Variants in ZNF611 observed in about 807,000 individuals in gnomAD.
ZNF611 encodes zinc finger protein 611.
A neutral mutation model predicts 8.9 loss-of-function variants in ZNF611; 6 were observed. That is an observed-to-expected ratio of 0.68 (90% CI 0.37 to 1.34). The LOEUF is 1.34. Ranked by LOEUF, ZNF611 falls within the 40% of genes most tolerant of loss-of-function variation. The pLI, the probability that ZNF611 is intolerant of heterozygous loss-of-function variation, is 0.02. For synonymous variants in ZNF611, 262 were observed against 279.7 expected (o/e 0.94, Z 0.63); for missense variants, 874 against 841.3 (o/e 1.04, Z -0.48).
At chr19:52,729,490 C>A (rs2062411430) in intron 2 of ZNF611, among the ~76,000 whole-genome samples, 2 of 19,146 alleles carry the variant, frequency 1.0e-4, no homozygotes, top group African/African-American at 3.4e-4. Context: ...GAGACTCCAT[C>A]TCAAAAAAAA....
chr19:52,713,289 C>A (rs1220255514), intron 5 of ZNF611, among the ~76,000 whole-genome samples: 2 of 152,142 alleles, frequency 1.3e-5, no homozygotes, highest in South Asian at 2.1e-4. Flanking sequence ...ACAATGGAAA[C>A]CTCATTCAAC....
intron 3 of ZNF611, among the ~76,000 whole-genome samples, chr19:52,721,475 T>TG (rs1413097289): frequency 6.6e-6 from 1 of 152,210 alleles, no homozygotes; most frequent in African/African-American, 2.4e-5. Context: ...GGTCAGGGGT[T>TG]GGAGACCAGC....
At position 52,728,833 on chromosome 19, in the gene ZNF611, T is replaced by C; in HGVS notation, c.-121-2A>G. On this transcript the variant is annotated splice_acceptor_variant, in intron 2 of 5. Coordinates refer to ENST00000652185, the MANE Select transcript of ZNF611 (RefSeq NM_001161499.2). LOFTEE classifies it low-confidence loss of function (5UTR_SPLICE). Reference sequence around the variant, plus strand: ...TCATCAAGCATTTGGAAGAGATATCTACAAAATATAAACACCAATACGTTT... The same window carrying C: ...TCATCAAGCATTTGGAAGAGATATCCACAAAATATAAACACCAATACGTTT... 5.6e-6 allele frequency: 1 copy of C among 179,920 alleles called. No individual in the cohort carries two copies. Among genetic ancestry groups the C allele is most frequent in the Admixed American group, 5.4e-5 (1 of 18,516 alleles). 11.1% of individuals were successfully genotyped at this position (179,920 alleles called of 1,614,324 possible). A position where few individuals can be genotyped will look rare whatever the true frequency, so the allele number is the denominator to read the frequency against.
At position 52,704,618 on chromosome 19, in the gene ZNF611, C is replaced by T; in HGVS notation, c.*319G>A. On this transcript the variant is annotated 3_prime_UTR_variant, in exon 6 of 6. Transcript: ENST00000652185. ...TTATTACACTTGTAAGATCTCTCTT[C>T]ATTATGGATTCTCCAATGATTTGTA... The T allele has an allele frequency of 2.5e-6, 4 of 1,584,116 alleles. No individual in the cohort carries two copies. In the East Asian group the frequency reaches 8.9e-5, roughly 35 times the overall value.
At chr19:52,724,823 C>A (rs1407644428) in intron 3 of ZNF611, among the ~76,000 whole-genome samples, 1 of 152,152 alleles carries the variant, frequency 6.6e-6, no homozygotes, top group East Asian at 1.9e-4. Flanking sequence ...CTCTGGTGAG[C>A]CTCCCTCTTT....
At chr19:52,730,411 A>C (rs979212019) in intron 1 of ZNF611, among the ~76,000 whole-genome samples, 8 of 150,418 alleles carry the variant, frequency 5.3e-5, no homozygotes, top group African/African-American at 9.8e-5. Flanking sequence ...AAAAAAAAAA[A>C]AAAAAAAAAA....
At chr19:52,732,958 T>TATTAATATTA (rs113965709) in intron 1 of ZNF611, among the ~76,000 whole-genome samples, 1 of 149,182 alleles carries the variant, frequency 6.7e-6, no homozygotes, top group African/African-American at 2.5e-5. Context: ...TGTCTCAAAA[T>TATTAATATTA]ATTAATTAAT....
chr19:52,705,990 T>C lies in ZNF611; in HGVS notation c.1065A>G (p.Gln355=), dbSNP rs757510179. The change falls in exon 6 of 6, where the codon CAA becomes CAG. Residue 355 remains glutamine (Q), a synonymous_variant. Coordinates refer to ENST00000652185, the MANE Select transcript of ZNF611 (RefSeq NM_001161499.2). The part of the protein sequence containing the change: ...CNECDKAFNQ[Q]SQLSHHRIHT... ...GAATTCTATGATGTGAAAGTTGTGA[T>C]TGTTGATTAAAAGCCTTGTCACATT... is the stretch of plus-strand genomic sequence containing the variant. 8.7e-6 allele frequency: 14 copies of C among 1,613,978 alleles called. No homozygotes were observed. The highest frequency in any genetic ancestry group is 4.0e-5 in the African/African-American group (3 of 74,898).
intron 2 of ZNF611, among the ~76,000 whole-genome samples, chr19:52,729,133 CA>C (rs2062409524): frequency 6.6e-6 from 1 of 151,616 alleles, no homozygotes; most frequent in Non-Finnish European, 1.5e-5. Flanking sequence ...TCACAGTTTG[CA>C]AAAAACATAT....
In ZNF611 at chr19:52,715,905, GA is replaced by G. The variant is rs1456318392; in HGVS notation, c.-12del. The G allele has an allele frequency of 6.2e-7, 1 of 1,612,868 alleles. No homozygotes were observed. The highest frequency in any genetic ancestry group is 2.2e-5 in the East Asian group (1 of 44,884). ...TTCCTCACGTAACATGAGTCTTTAGGAATCAATCCTGTATGTGAAAAAAAAT... is the reference window on the plus strand; with the variant it reads ...TTCCTCACGTAACATGAGTCTTTAGGATCAATCCTGTATGTGAAAAAAAAT... On this transcript the variant is annotated 5_prime_UTR_variant, in exon 4 of 6. Transcript: ENST00000652185.
rs397859789 is a variant in ZNF611 at position 52,729,492 on chromosome 19, C to CAAAAAAAAAAAAAAAAAAAAAA, written c.-122+392_-122+413dup. On this transcript the variant is annotated intron_variant, in intron 2 of 5. Transcript: ENST00000652185. Reference sequence around the variant, plus strand: ...TGGGTGACAGAGCGAGACTCCATCTCAAAAAAAAAAAAAAAAAAAAAAAAA... The same window carrying CAAAAAAAAAAAAAAAAAAAAAA: ...TGGGTGACAGAGCGAGACTCCATCTCAAAAAAAAAAAAAAAAAAAAAAAAAAAAAAAAAAAAAAAAAAAAAAA... 5.9e-4 allele frequency among the ~76,000 whole-genome samples: 25 copies of CAAAAAAAAAAAAAAAAAAAAAA among 42,354 alleles called. 2 individuals carry two copies. Among genetic ancestry groups the CAAAAAAAAAAAAAAAAAAAAAA allele is most frequent in the African/African-American group, 1.1e-3 (9 of 8,160 alleles). The allele number at this position is 42,354 out of a possible 152,430, so 27.8% of individuals were successfully genotyped here. A position where few individuals can be genotyped will look rare whatever the true frequency, so the allele number is the denominator to read the frequency against.
chr19:52,714,729 G>T lies in ZNF611; in HGVS notation c.64-588C>A. On this transcript the variant is annotated intron_variant, in intron 4 of 5. Coordinates refer to ENST00000652185, the MANE Select transcript of ZNF611 (RefSeq NM_001161499.2). ...CAAAACAAAAAAACAATGCCGGGCA[G>T]TGACTGTCACCTGTAATCCCAGCAC... Among the ~76,000 whole-genome samples, 2 of 119,960 alleles carry T rather than the reference G, an allele frequency of 1.7e-5. 1 individual carries two copies. The highest frequency in any genetic ancestry group is 7.3e-5 in the African/African-American group (2 of 27,298). 78.7% of individuals were successfully genotyped at this position (119,960 alleles called of 152,430 possible). A position where few individuals can be genotyped will look rare whatever the true frequency, so the allele number is the denominator to read the frequency against.
At chr19:52,721,715 GAGGGAGAGGGAGAGGGAA>G (rs1355481454) in intron 3 of ZNF611, among the ~76,000 whole-genome samples, 1 of 150,030 alleles carries the variant, frequency 6.7e-6, no homozygotes, top group African/African-American at 2.5e-5. Context: ...GGCAGAGGCA[GAGGGAGAGGGAGAGGGAA>G]AGGGAGAGGG....
At chr19:52,731,103 C>T (rs567313366) in intron 1 of ZNF611, among the ~76,000 whole-genome samples, 3 of 152,014 alleles carry the variant, frequency 2.0e-5, no homozygotes, top group Admixed American at 2.0e-4. Context: ...CACTCTGTCA[C>T]CCAGGCTGGA....
intron 3 of ZNF611, among the ~76,000 whole-genome samples, chr19:52,719,368 GA>G (rs1397444623): frequency 6.6e-6 from 1 of 152,064 alleles, no homozygotes; most frequent in Non-Finnish European, 1.5e-5. Context: ...CCCCAGCCAT[GA>G]AAAGGGAAGA....
chr19:52,712,427 C>G (rs1012504935), intron 5 of ZNF611, among the ~76,000 whole-genome samples: 1 of 122,230 alleles, frequency 8.2e-6, no homozygotes, highest in Admixed American at 1.1e-4. Context: ...CTAGCCTGGC[C>G]AGCATGCATG....
chr19:52,731,892 T>C (rs2062427887), intron 1 of ZNF611, among the ~76,000 whole-genome samples: 1 of 151,526 alleles, frequency 6.6e-6, no homozygotes, highest in African/African-American at 2.4e-5. Flanking sequence ...AATCGCTTGA[T>C]GCTAGGAAGC....
intron 3 of ZNF611, among the ~76,000 whole-genome samples, chr19:52,722,831 A>G (rs907764102): frequency 2.0e-5 from 3 of 151,808 alleles, no homozygotes; most frequent in Non-Finnish European, 2.9e-5. Flanking sequence ...CCTGGGCTCA[A>G]GTGATCCTCC....
At chr19:52,732,087 G>A (rs1020866930) in intron 1 of ZNF611, among the ~76,000 whole-genome samples, 34 of 152,012 alleles carry the variant, frequency 2.2e-4, no homozygotes, top group African/African-American at 4.6e-4. Flanking sequence ...TGGCTAACAC[G>A]GTGAAATCCT....
Sources: allele counts gnomAD v4.1 joint callset (sites outside exome capture counted in the v4.1 genomes callset), GRCh38; gene constraint gnomAD v4.1.1; transcripts MANE v1.5; gene names NCBI Gene and HGNC (gene_info 2026-07-23, HGNC 2026-07-21).